C1orf87: variants seen among roughly 807,000 people sequenced by gnomAD.
The protein encoded by C1orf87 is uncharacterized protein C1orf87.
Under a neutral mutation model 60.5 loss-of-function variants are expected in C1orf87, and 58 were observed. The ratio of observed to expected loss-of-function variants is 0.96; its 90% CI spans 0.78 to 1.19. The LOEUF is 1.19. Ranked by LOEUF, C1orf87 falls within the 50% of genes most tolerant of loss-of-function variation. C1orf87 has a pLI of 0.00. For synonymous variants in C1orf87, 236 were observed against 227.4 expected, an observed-to-expected ratio of 1.04 and a Z score of -0.34; for missense variants, 673 against 638.6, an observed-to-expected ratio of 1.05 and a Z score of -0.58.
rs533566599 is a variant in C1orf87, at chr1:59,997,478, A to G, written c.1480+131T>C. On this transcript the variant is annotated intron_variant, in intron 11 of 11. Coordinates refer to ENST00000371201, the MANE Select transcript of C1orf87 (RefSeq NM_152377.3). ...GTCTTCATATTTCTGGATTGTGCTC[A>G]GCACATTGCAGGGCACATGATTTAT... 84 of 767,964 alleles carry G rather than the reference A, an allele frequency of 1.1e-4. 1 individual carries two copies. In the East Asian group the frequency reaches 2.3e-3, roughly 21 times the overall value. 47.6% of individuals were successfully genotyped at this position (767,964 alleles called of 1,614,324 possible).
At chr1:60,003,016 G>A (rs1420171719) in intron 9 of C1orf87, among the ~76,000 whole-genome samples, 3 of 151,526 alleles carry the variant, frequency 2.0e-5, no homozygotes, top group Admixed American at 6.6e-5. Flanking sequence ...AAAGACACAT[G>A]CACACGTATG....
intron 2 of C1orf87, among the ~76,000 whole-genome samples, chr1:60,058,675 A>C (rs1163076423): frequency 6.6e-6 from 1 of 152,164 alleles, no homozygotes; most frequent in African/African-American, 2.4e-5. Flanking sequence ...AGGAAAGTTG[A>C]TGTGATTGGC....
At chr1:60,016,885 G>C (rs1415212066) in intron 8 of C1orf87, among the ~76,000 whole-genome samples, 1 of 152,194 alleles carries the variant, frequency 6.6e-6, no homozygotes, top group East Asian at 1.9e-4. Context: ...CAAGCCCAAG[G>C]GTGAAGCCAG....
intron 11 of C1orf87, among the ~76,000 whole-genome samples, chr1:59,993,358 T>C (rs1011854145): frequency 6.6e-6 from 1 of 152,170 alleles, no homozygotes; most frequent in African/African-American, 2.4e-5. Context: ...TCACACAGTA[T>C]CCAGTACTAG....
intron 7 of C1orf87, among the ~76,000 whole-genome samples, 162 bp from the exon 8 acceptor site, chr1:60,025,660 A>G (rs1043233229): frequency 1.3e-5 from 2 of 152,240 alleles, no homozygotes; most frequent in African/African-American, 2.4e-5. Flanking sequence ...GGTATCCTTC[A>G]GGATACCATT....
At chr1:59,993,533 T>A (rs1460015143) in intron 11 of C1orf87, among the ~76,000 whole-genome samples, 6 of 152,158 alleles carry the variant, frequency 3.9e-5, no homozygotes, top group African/African-American at 1.4e-4. Flanking sequence ...AAAAAATACA[T>A]CTAGGAATCA....
At chr1:60,011,100 A>T (rs1399310341) in intron 8 of C1orf87, 2 of 152,046 alleles carry the variant, frequency 1.3e-5, no homozygotes, top group African/African-American at 4.8e-5. Context: ...AAGGGGATAA[A>T]TATGAGTTCT....
chr1:59,999,565 A>C (rs535862773), intron 10 of C1orf87, among the ~76,000 whole-genome samples: 1 of 152,258 alleles, frequency 6.6e-6, no homozygotes, highest in South Asian at 2.1e-4. Flanking sequence ...TTGACCACTG[A>C]AGACAAGGAA....
rs1160788581 is a variant in C1orf87 at position 60,050,814 on chromosome 1, G to A, written c.342+4390C>T. On this transcript the variant is annotated intron_variant, in intron 3 of 11. Coordinates refer to ENST00000371201, the MANE Select transcript of C1orf87 (RefSeq NM_152377.3). ...GACATTTGGAAATGAAAATGAACAA[G>A]CAACAATTCTTATTCTCAGTGGTCT... Among the ~76,000 whole-genome samples the A allele has an allele frequency of 3.3e-5, 5 of 152,186 alleles. No homozygotes were observed. In the East Asian group the frequency reaches 9.7e-4, roughly 29 times the overall value.
chr1:60,050,592 G>A (rs1645407376), intron 3 of C1orf87, among the ~76,000 whole-genome samples: 1 of 148,376 alleles, frequency 6.7e-6, no homozygotes, highest in South Asian at 2.1e-4. Flanking sequence ...TCTGAAAATA[G>A]TTTTACCTCT....
intron 3 of C1orf87, among the ~76,000 whole-genome samples, chr1:60,053,255 A>G (rs1207952426): frequency 1.3e-5 from 2 of 152,222 alleles, no homozygotes; most frequent in Non-Finnish European, 2.9e-5. Context: ...TTATATCTCT[A>G]TAAAGGAATG....
At chr1:60,025,247 T>C (rs1217978459) in intron 8 of C1orf87, among the ~76,000 whole-genome samples, 154 bp downstream of exon 8, 1 of 152,178 alleles carries the variant, frequency 6.6e-6, no homozygotes, top group Non-Finnish European at 1.5e-5. Context: ...AATAATTTCA[T>C]CATGGGGGTT....
At chr1:60,035,573 TATTACAGGCC>T (rs1290226829) in intron 6 of C1orf87, among the ~76,000 whole-genome samples, 1 of 152,242 alleles carries the variant, frequency 6.6e-6, no homozygotes, top group East Asian at 1.9e-4. Flanking sequence ...AGCCTGGCTT[TATTACAGGCC>T]ATCAGTCCTG....
chr1:60,032,119 T>G (rs1483360223), intron 7 of C1orf87, among the ~76,000 whole-genome samples: 1 of 152,216 alleles, frequency 6.6e-6, no homozygotes, highest in Non-Finnish European at 1.5e-5. Flanking sequence ...ATCATGTCCT[T>G]GCTCCTTAGT....
At chr1:60,008,262 G>A (rs1645059725) in intron 9 of C1orf87, among the ~76,000 whole-genome samples, 1 of 152,018 alleles carries the variant, frequency 6.6e-6, no homozygotes, top group South Asian at 2.1e-4. Flanking sequence ...GGGCAGGTTT[G>A]CATTTTTCTT....
intron 7 of C1orf87, among the ~76,000 whole-genome samples, chr1:60,030,072 CT>C (rs1645226732): frequency 6.6e-6 from 1 of 152,196 alleles, no homozygotes; most frequent in East Asian, 1.9e-4. Context: ...CGTCATTGCA[CT>C]GTCACACAGA....
intron 2 of C1orf87, among the ~76,000 whole-genome samples, chr1:60,068,681 A>G (rs1471154189): frequency 6.6e-6 from 1 of 152,174 alleles, no homozygotes; most frequent in African/African-American, 2.4e-5. Flanking sequence ...AGAATGGAAC[A>G]GTTTGGCATA....
intron 7 of C1orf87, among the ~76,000 whole-genome samples, chr1:60,029,435 C>G (rs563984843): frequency 3.3e-5 from 5 of 151,814 alleles, no homozygotes; most frequent in Admixed American, 2.0e-4. Context: ...TGTTTAATAC[C>G]CTTCAATGAT....
At chr1:60,044,608 C>T (rs956908943) in intron 3 of C1orf87, among the ~76,000 whole-genome samples, 2 of 152,108 alleles carry the variant, frequency 1.3e-5, no homozygotes, top group African/African-American at 4.8e-5. Context: ...GGGAGGAGCT[C>T]TTGGTGCCTG....
Sources: allele counts gnomAD v4.1 joint callset (sites outside exome capture counted in the v4.1 genomes callset), GRCh38; gene constraint gnomAD v4.1.1; transcripts MANE v1.5; gene names NCBI Gene and HGNC (gene_info 2026-07-23, HGNC 2026-07-21).